The following WWOX variants were observed in gnomAD, a reference collection of about 807,000 sequenced individuals.
WWOX encodes the protein WW domain containing oxidoreductase, also known as WW domain-containing oxidoreductase.
WWOX carries 69 observed loss-of-function variants against 46.2 expected under a neutral mutation model. The ratio of observed to expected loss-of-function variants is 1.49; its 90% CI spans 1.23 to 1.82. The LOEUF (loss-of-function observed/expected upper bound fraction) is 1.82. WWOX is among the 40% of genes most tolerant of loss of function. The pLI, the probability that WWOX is intolerant of heterozygous loss-of-function variation, is 0.00. For synonymous variants in WWOX, 359 were observed against 202.6 expected (o/e 1.77, Z -6.56); for missense variants, 919 against 542.6 (o/e 1.69, Z -6.89).
At chr16:78,885,614 G>C (rs189304944) in intron 8 of WWOX, among the ~76,000 whole-genome samples, 3 of 152,306 alleles carry the variant, frequency 2.0e-5, no homozygotes, top group Non-Finnish European at 4.4e-5. Context: ...TAGAGCCTCA[G>C]TCTCTGATTT....
intron 8 of WWOX, among the ~76,000 whole-genome samples, chr16:78,765,462 T>C (rs1190630490): frequency 6.6e-6 from 1 of 152,136 alleles, no homozygotes; most frequent in Non-Finnish European, 1.5e-5. Context: ...GTGGACCACC[T>C]GAGGTCAGGA....
intron 8 of WWOX, among the ~76,000 whole-genome samples, chr16:79,086,570 C>G (rs1020660906): frequency 6.6e-6 from 1 of 152,104 alleles, no homozygotes; most frequent in Non-Finnish European, 1.5e-5. Context: ...AGACCTGACT[C>G]TGGGGTGTGG....
intron 4 of WWOX, among the ~76,000 whole-genome samples, chr16:78,152,060 G>C (rs552374940): frequency 6.6e-6 from 1 of 152,064 alleles, no homozygotes; most frequent in African/African-American, 2.4e-5. Context: ...TGTGGTGGCG[G>C]GCGCCTGTAG....
At chr16:78,631,030 C>T (rs551002602) in intron 8 of WWOX, among the ~76,000 whole-genome samples, 11 of 152,114 alleles carry the variant, frequency 7.2e-5, no homozygotes, top group South Asian at 6.2e-4. Flanking sequence ...CTATTTATAT[C>T]GTGTTTATAT....
At chr16:78,137,138 C>T (rs190652448) in intron 4 of WWOX, among the ~76,000 whole-genome samples, 4 of 152,266 alleles carry the variant, frequency 2.6e-5, no homozygotes, top group Non-Finnish European at 5.9e-5. Context: ...TCCCTTCACC[C>T]AGAAAGACAC....
chr16:78,715,691 G>C (rs1428076389), intron 8 of WWOX, among the ~76,000 whole-genome samples: 1 of 152,150 alleles, frequency 6.6e-6, no homozygotes, highest in Admixed American at 6.5e-5. Flanking sequence ...TGGCCAGGCT[G>C]GTCTCGAACT....
chr16:78,204,141 C>G (rs1047452542), intron 5 of WWOX, among the ~76,000 whole-genome samples: 1 of 152,174 alleles, frequency 6.6e-6, no homozygotes, highest in East Asian at 1.9e-4. Context: ...TCTTTGAGAG[C>G]CATAGCAGCT....
intron 8 of WWOX, among the ~76,000 whole-genome samples, chr16:78,770,460 C>T (rs1597581569): frequency 6.6e-6 from 1 of 152,184 alleles, no homozygotes; most frequent in Admixed American, 6.5e-5. Flanking sequence ...TCTGGGGTCC[C>T]CACGGGCCAG....
At chr16:78,550,255 A>G (rs2044142797) in intron 8 of WWOX, among the ~76,000 whole-genome samples, 1 of 152,214 alleles carries the variant, frequency 6.6e-6, no homozygotes. Flanking sequence ...AGACACTGAA[A>G]TGAATTTTGA....
intron 8 of WWOX, among the ~76,000 whole-genome samples, chr16:78,456,730 T>G (rs2083826930): frequency 1.3e-5 from 2 of 152,220 alleles, no homozygotes; most frequent in South Asian, 2.1e-4. Flanking sequence ...AGGTAGAATA[T>G]CCACATGTCT....
At chr16:78,195,144 T>A (rs533502921) in intron 5 of WWOX, among the ~76,000 whole-genome samples, 1 of 152,304 alleles carries the variant, frequency 6.6e-6, no homozygotes, top group South Asian at 2.1e-4. Flanking sequence ...TGCCTGCTGG[T>A]ACTTCACCCT....
At chr16:79,074,617 TAAGAACC>T (rs2048620112) in intron 8 of WWOX, among the ~76,000 whole-genome samples, 1 of 151,752 alleles carries the variant, frequency 6.6e-6, no homozygotes, top group African/African-American at 2.4e-5. Flanking sequence ...CTAGGAATAC[TAAGAACC>T]TAAGAGTCTC....
intron 8 of WWOX, among the ~76,000 whole-genome samples, chr16:78,909,658 C>T (rs868661347): frequency 1.3e-5 from 2 of 152,178 alleles, no homozygotes; most frequent in East Asian, 1.9e-4. Context: ...ATTCCCTGAC[C>T]TCTGTGTCCA....
intron 5 of WWOX, among the ~76,000 whole-genome samples, chr16:78,211,968 A>G (rs929872503): frequency 2.0e-5 from 3 of 152,192 alleles, no homozygotes; most frequent in African/African-American, 7.2e-5. Context: ...TGGTAGCTCT[A>G]TTTATTTGCT....
At position 78,833,446 on chromosome 16, in the gene WWOX, C is replaced by T. The variant is rs1482079374; in HGVS notation, c.1057-378162C>T. 2.2e-5 allele frequency among the ~76,000 whole-genome samples: 3 copies of T among 137,478 alleles called. No individual in the cohort carries two copies. In the East Asian group the frequency reaches 6.0e-4, roughly 27 times the overall value. The allele number at this position is 137,478 out of a possible 152,430, so 90.2% of individuals were successfully genotyped here. A position where few individuals can be genotyped will look rare whatever the true frequency, so the allele number is the denominator to read the frequency against. ...ATCTCCTCCTCCTCCTCCTCCTCCT[C>T]CTCCTGCTTTCTATTCTCCTTCCTC... On this transcript the variant is annotated intron_variant, in intron 8 of 8. Transcript: ENST00000566780.
At chr16:78,848,887 G>C (rs181757674) in intron 8 of WWOX, among the ~76,000 whole-genome samples, 1 of 151,772 alleles carries the variant, frequency 6.6e-6, no homozygotes, top group Non-Finnish European at 1.5e-5. Context: ...ATTTAGCCCA[G>C]TTTTTATCCT....
chr16:78,129,973 A>C (rs2033524120), intron 4 of WWOX: 1 of 152,080 alleles, frequency 6.6e-6, no homozygotes, highest in South Asian at 2.1e-4. Flanking sequence ...TAATTGAATC[A>C]TGCTGTTCTC....
At chr16:78,838,862 G>C (rs187145640) in intron 8 of WWOX, among the ~76,000 whole-genome samples, 1 of 152,078 alleles carries the variant, frequency 6.6e-6, no homozygotes, top group Non-Finnish European at 1.5e-5. Context: ...GAAAAGAGAA[G>C]AAAAGGAAAG....
intron 8 of WWOX, among the ~76,000 whole-genome samples, chr16:78,510,550 T>C (rs1484425425): frequency 6.6e-6 from 1 of 152,196 alleles, no homozygotes; most frequent in African/African-American, 2.4e-5. Flanking sequence ...TATCAAGCAA[T>C]ACTTACATGT....
Sources: gnomAD v4.1 joint callset for allele counts (sites outside exome capture counted in the v4.1 genomes callset) on GRCh38, gnomAD v4.1.1 for gene constraint, MANE v1.5 for transcripts, NCBI Gene and HGNC (gene_info 2026-07-23, HGNC 2026-07-21) for gene names.